The following TANC2 variants were observed in gnomAD, a reference collection of about 807,000 sequenced individuals.
The protein encoded by TANC2 is protein TANC2.
A neutral mutation model predicts 210.5 loss-of-function variants in TANC2; 26 were observed. The ratio of observed to expected loss-of-function variants is 0.12; its 90% CI spans 0.09 to 0.17. The LOEUF is 0.17. TANC2 is among the 10% of genes least tolerant of loss of function. TANC2 has a pLI of 1.00. For missense variants in TANC2, 2,129 were observed against 2,608.9 expected (o/e 0.82, Z 4.01); for synonymous variants, 931 against 967.1 (o/e 0.96, Z 0.69).
At chr17:63,205,183 G>A (rs1165665152) in intron 7 of TANC2, among the ~76,000 whole-genome samples, 1 of 151,894 alleles carries the variant, frequency 6.6e-6, no homozygotes, top group Non-Finnish European at 1.5e-5. Context: ...ATGTGGCATG[G>A]ACAGTCTTTT....
intron 8 of TANC2, among the ~76,000 whole-genome samples, chr17:63,262,867 CATTAG>C (rs2043408528): frequency 6.6e-6 from 1 of 152,072 alleles, no homozygotes; most frequent in South Asian, 2.1e-4. Context: ...TAAAATAAGA[CATTAG>C]ATACCTCTTC....
intron 1 of TANC2, among the ~76,000 whole-genome samples, chr17:62,989,565 G>A (rs949838451): frequency 2.6e-5 from 4 of 152,020 alleles, no homozygotes; most frequent in African/African-American, 7.3e-5. Flanking sequence ...AGAAACCAAG[G>A]GAAGGCGAAT....
intron 7 of TANC2, among the ~76,000 whole-genome samples, chr17:63,231,337 A>T (rs927150467): frequency 1.3e-5 from 2 of 152,108 alleles, no homozygotes; most frequent in African/African-American, 4.8e-5. Flanking sequence ...TTGTTGATGT[A>T]GTTGCTTCAT....
At chr17:63,144,629 C>A (rs1197621776) in intron 4 of TANC2, among the ~76,000 whole-genome samples, 1 of 151,740 alleles carries the variant, frequency 6.6e-6, no homozygotes, top group African/African-American at 2.4e-5. Context: ...AGGCATAACA[C>A]GTAGTATTGG....
intron 3 of TANC2, among the ~76,000 whole-genome samples, chr17:63,079,553 A>T (rs2144702503): frequency 6.6e-6 from 1 of 152,296 alleles, no homozygotes; most frequent in South Asian, 2.1e-4. Context: ...CACTCAAAAT[A>T]TTTTAAAATT....
intron 17 of TANC2, among the ~76,000 whole-genome samples, chr17:63,392,329 A>T (rs2048007484): frequency 6.6e-6 from 1 of 152,236 alleles, no homozygotes; most frequent in South Asian, 2.1e-4. Context: ...CCTCAGATCC[A>T]GCTTTCTAAA....
chr17:63,174,040 C>T (rs1192835985), intron 5 of TANC2, among the ~76,000 whole-genome samples: 1 of 152,156 alleles, frequency 6.6e-6, no homozygotes, highest in East Asian at 1.9e-4. Context: ...CCACTTGTGC[C>T]ATTCTCTTTT....
chr17:63,381,341 A>G (rs1253363207), intron 15 of TANC2: 4 of 152,192 alleles, frequency 2.6e-5, no homozygotes, highest in Non-Finnish European at 5.9e-5. Context: ...ACTCTAGTGT[A>G]CAGCATATGG....
intron 3 of TANC2, among the ~76,000 whole-genome samples, chr17:63,094,539 T>C (rs558012141): frequency 6.6e-6 from 1 of 152,058 alleles, no homozygotes; most frequent in Admixed American, 6.6e-5. Context: ...ATGCTAGAGG[T>C]TTTTGATTTC....
chr17:63,069,708 C>G (rs562300851), intron 2 of TANC2, among the ~76,000 whole-genome samples: 6 of 152,044 alleles, frequency 3.9e-5, no homozygotes, highest in Non-Finnish European at 8.8e-5. Context: ...TAAAAAGTTT[C>G]TTATTTTTGT....
At chr17:63,375,285 T>C (rs2047390250) in intron 14 of TANC2, among the ~76,000 whole-genome samples, 1 of 152,230 alleles carries the variant, frequency 6.6e-6, no homozygotes, top group South Asian at 2.1e-4. Context: ...AGTTGCCACC[T>C]TCATCTTATC....
In TANC2 at chr17:63,409,982, A is replaced by G. The variant is rs1309406116; in HGVS notation, c.3590-1529A>G. On this transcript the variant is annotated intron_variant, in intron 21 of 27. Transcript: ENST00000689528. ...AAAATGTGAAATCCAAAATGCTGCA[A>G]TGAGTATTTCCTTTGAGTGTCATGT... Among the ~76,000 whole-genome samples the G allele has an allele frequency of 2.6e-5, 4 of 152,358 alleles. No individual in the cohort carries two copies. In the East Asian group the frequency reaches 7.7e-4, roughly 29 times the overall value.
At chr17:63,337,096 G>C (rs1010881679) in intron 11 of TANC2, among the ~76,000 whole-genome samples, 5 of 152,180 alleles carry the variant, frequency 3.3e-5, no homozygotes, top group Non-Finnish European at 4.4e-5. Context: ...CAGATTGTAT[G>C]TGCATATACC....
intron 8 of TANC2, among the ~76,000 whole-genome samples, chr17:63,247,333 T>A (rs754201052): frequency 6.6e-6 from 1 of 152,068 alleles, no homozygotes; most frequent in Non-Finnish European, 1.5e-5. Flanking sequence ...ACTTTCCTCT[T>A]TATCTTTTTA....
Position 63,091,395 on chromosome 17 carries a change from A to C in TANC2, c.140-7780A>C, listed in dbSNP as rs374493158. 2.6e-5 allele frequency among the ~76,000 whole-genome samples: 4 copies of C among 152,160 alleles called. No individual in the cohort carries two copies. In the South Asian group the frequency reaches 8.3e-4, roughly 32 times the overall value. On this transcript the variant is annotated intron_variant, in intron 3 of 27. Coordinates refer to ENST00000689528, the Ensembl canonical transcript of TANC2. ...CTTGAATTAATTTTTGTATAAGGTGAAAGGAAGGGATCCAGTTTCAGCTTT... is the reference window on the plus strand; with the variant it reads ...CTTGAATTAATTTTTGTATAAGGTGCAAGGAAGGGATCCAGTTTCAGCTTT...
chr17:63,232,555 C>T (rs2042505395), intron 7 of TANC2, among the ~76,000 whole-genome samples: 1 of 152,238 alleles, frequency 6.6e-6, no homozygotes, highest in Non-Finnish European at 1.5e-5. Flanking sequence ...ATCCTGTTCA[C>T]CTGGGTCCCT....
At chr17:63,284,270 C>G (rs2044152891) in intron 9 of TANC2, among the ~76,000 whole-genome samples, 1 of 151,930 alleles carries the variant, frequency 6.6e-6, no homozygotes, top group Non-Finnish European at 1.5e-5. Flanking sequence ...TTGAATCTAA[C>G]TTCGCATTCC....
Position 63,046,325 on chromosome 17 carries a change from C to CTTTTTTTTTTTTTTTTTTTTTTT in TANC2, c.68-27616_68-27594dup, listed in dbSNP as rs57550590. On this transcript the variant is annotated intron_variant, in intron 2 of 27. Transcript: ENST00000689528. ...CAGGTGCGTGCCACCACACCCAGCTCTTTTTTTTTTTTTTTTTTTTTTTTG... is the reference window on the plus strand; with the variant it reads ...CAGGTGCGTGCCACCACACCCAGCTCTTTTTTTTTTTTTTTTTTTTTTTTTTTTTTTTTTTTTTTTTTTTTTTG... 3.4e-4 allele frequency among the ~76,000 whole-genome samples: 15 copies of CTTTTTTTTTTTTTTTTTTTTTTT among 44,142 alleles called. 4 individuals are homozygous for CTTTTTTTTTTTTTTTTTTTTTTT. The highest frequency in any genetic ancestry group is 4.7e-4 in the African/African-American group (4 of 8,536). The allele number at this position is 44,142 out of a possible 152,430, so 29.0% of individuals were successfully genotyped here.
chr17:63,063,878 C>T (rs564766690), intron 2 of TANC2, among the ~76,000 whole-genome samples: 1 of 152,034 alleles, frequency 6.6e-6, no homozygotes, highest in South Asian at 2.1e-4. Context: ...TTTTGATGGC[C>T]CAGAGTTCTT....
Sources: allele counts gnomAD v4.1 joint callset (sites outside exome capture counted in the v4.1 genomes callset), GRCh38; gene constraint gnomAD v4.1.1; transcripts MANE v1.5; gene names NCBI Gene and HGNC (gene_info 2026-07-23, HGNC 2026-07-21).